KDM2A: variants seen among roughly 807,000 people sequenced by gnomAD.
KDM2A encodes the protein lysine demethylase 2A, also known as lysine-specific demethylase 2A.
Under a neutral mutation model 137.3 loss-of-function variants are expected in KDM2A, and 3 were observed. The ratio of observed to expected loss-of-function variants is 0.02; its 90% CI spans 0.01 to 0.06. The LOEUF is 0.06. Among genes scored for constraint, KDM2A ranks in the 10% least tolerant of loss-of-function variants. KDM2A has a pLI of 1.00. For missense variants in KDM2A, 738 were observed against 1,510.6 expected (o/e 0.49, Z 8.48); for synonymous variants, 512 against 541.5 (o/e 0.95, Z 0.76).
chr11:67,237,746 A>C (rs959334157), intron 12 of KDM2A, among the ~76,000 whole-genome samples: 1 of 151,992 alleles, frequency 6.6e-6, no homozygotes, highest in African/African-American at 2.4e-5. Flanking sequence ...CCAGGAGTTC[A>C]AGACCAGCCT....
At chr11:67,168,319 C>G (rs552416585) in intron 2 of KDM2A, among the ~76,000 whole-genome samples, 11 of 152,008 alleles carry the variant, frequency 7.2e-5, no homozygotes, top group African/African-American at 2.7e-4. Context: ...TGGAGCTTCC[C>G]CCAAACCCTC....
rs576469290 is a variant in KDM2A, at chr11:67,145,883, T to C, written c.42+24525T>C. On this transcript the variant is annotated intron_variant, in intron 2 of 20. Coordinates refer to ENST00000529006, the MANE Select transcript of KDM2A (RefSeq NM_012308.3). ...TTAAGTGTTACATCCTTTGGGAATT[T>C]TTTTTTTTTTAATTCCTGCTTTTCA... is the stretch of plus-strand genomic sequence containing the variant. 3.9e-5 allele frequency among the ~76,000 whole-genome samples: 6 copies of C among 152,006 alleles called. No individual in the cohort carries two copies. The East Asian group carries it at 1.2e-3, about 29-fold the overall frequency.
At chr11:67,246,990 T>C (rs1404344166) in intron 15 of KDM2A, among the ~76,000 whole-genome samples, 3 of 141,988 alleles carry the variant, frequency 2.1e-5, no homozygotes, top group African/African-American at 5.1e-5. Context: ...CAGGCTAGAG[T>C]GCAGTGGCAC....
intron 2 of KDM2A, among the ~76,000 whole-genome samples, chr11:67,126,859 G>A (rs796562568): frequency 1.3e-5 from 2 of 152,154 alleles, no homozygotes; most frequent in South Asian, 4.1e-4. Context: ...ATTCTGCAGT[G>A]TTGGAGTGGA....
intron 2 of KDM2A, among the ~76,000 whole-genome samples, chr11:67,172,489 ACTTAT>A (rs1856897886): frequency 6.6e-6 from 1 of 152,052 alleles, no homozygotes; most frequent in African/African-American, 2.4e-5. Flanking sequence ...TAAGTCTTGT[ACTTAT>A]CTTGTTAAAT....
intron 12 of KDM2A, among the ~76,000 whole-genome samples, chr11:67,241,975 A>G (rs1351796960): frequency 6.6e-6 from 1 of 152,240 alleles, no homozygotes; most frequent in Non-Finnish European, 1.5e-5. Context: ...AGGCTGAGGC[A>G]GGAGAATAGC....
chr11:67,207,675 A>G lies in KDM2A; in HGVS notation c.473A>G (p.Gln158Arg). 1 of 1,609,536 alleles carries G rather than the reference A, an allele frequency of 6.2e-7. No homozygotes were observed. The highest frequency in any genetic ancestry group is 8.5e-7 in the Non-Finnish European group (1 of 1,177,306). Residue 158 changes from glutamine to arginine, a missense_variant, in exon 6 of 21, where the codon CAG (glutamine) becomes CGG (arginine). By Grantham distance (43) the Gln-to-Arg change is conservative (BLOSUM62 1). Transcript: ENST00000529006. ...CACACCAGGCTGGAGAATATGGTGC[A>G]GAGGCCCTCCACGGTTAGTGTAATC... is the stretch of plus-strand genomic sequence containing the variant. Reference protein sequence around the residue: ...FSHTRLENMVQRPSTVDFIDW... With the variant: ...FSHTRLENMVRRPSTVDFIDW...
chr11:67,181,548 C>T (rs1299490763), intron 4 of KDM2A, 150 bp downstream of exon 4: 8 of 575,106 alleles, frequency 1.4e-5, no homozygotes, highest in Non-Finnish European at 1.2e-5. Flanking sequence ...TCTTTTGATA[C>T]ACAAGTGTTT....
intron 12 of KDM2A, among the ~76,000 whole-genome samples, chr11:67,237,765 TAGTG>T (rs1407502846): frequency 6.6e-6 from 1 of 151,890 alleles, no homozygotes; most frequent in East Asian, 1.9e-4. Context: ...CTGGGCAACA[TAGTG>T]AGACTCCATC....
At chr11:67,134,365 C>T (rs1169511378) in intron 2 of KDM2A, among the ~76,000 whole-genome samples, 2 of 152,048 alleles carry the variant, frequency 1.3e-5, no homozygotes, top group African/African-American at 2.4e-5. Flanking sequence ...GCCCTAACTA[C>T]GATGAATGAA....
At position 67,189,329 on chromosome 11, in the gene KDM2A, T is replaced by TA. The variant is rs1482402785; in HGVS notation, c.307+7438dup. Reference sequence around the variant, plus strand: ...AAGAAATCACATGGAAATTAGAAAATACTTATAGATGAATGAACACAACAC... The same window carrying TA: ...AAGAAATCACATGGAAATTAGAAAATAACTTATAGATGAATGAACACAACAC... On this transcript the variant is annotated intron_variant, in intron 5 of 20. Transcript: ENST00000529006. Among the ~76,000 whole-genome samples the TA allele has an allele frequency of 1.8e-4, 28 of 152,064 alleles. 1 individual carries two copies. The highest frequency in any genetic ancestry group is 1.8e-3 in the Admixed American group (27 of 15,278).
chr11:67,190,175 C>T (rs1281128518), intron 5 of KDM2A, among the ~76,000 whole-genome samples: 15 of 152,080 alleles, frequency 9.9e-5, no homozygotes, highest in Admixed American at 3.3e-4. Flanking sequence ...TTTGGGAGGC[C>T]GAGGCGGGTG....
intron 5 of KDM2A, among the ~76,000 whole-genome samples, chr11:67,190,531 G>T (rs1373757175): frequency 6.6e-6 from 1 of 152,150 alleles, no homozygotes; most frequent in African/African-American, 2.4e-5. Context: ...AAGCCAAGGT[G>T]GGTGCATTGC....
intron 5 of KDM2A, among the ~76,000 whole-genome samples, chr11:67,203,325 G>T (rs4457752): frequency 0.96 from 145,534 of 151,520 alleles, 69,996 homozygotes; most frequent in Non-Finnish European, 0.99. Flanking sequence ...TACTGGAATA[G>T]TTGCTTTATT....
chr11:67,172,662 G>C (rs1448560723), intron 2 of KDM2A, among the ~76,000 whole-genome samples: 1 of 146,908 alleles, frequency 6.8e-6, no homozygotes, highest in African/African-American at 2.5e-5. Context: ...ATTCCTTATA[G>C]TTTTCTGTGT....
At chr11:67,198,459 A>T (rs982867831) in intron 5 of KDM2A, among the ~76,000 whole-genome samples, 1 of 152,186 alleles carries the variant, frequency 6.6e-6, no homozygotes, top group Middle Eastern at 3.4e-3. Flanking sequence ...GCAATGGCTC[A>T]TGCCTGTAAT....
Position 67,248,267 on chromosome 11 carries a change from C to G in KDM2A, c.1966-14C>G. On this transcript the variant is annotated splice_polypyrimidine_tract_variant and intron_variant, in intron 15 of 20. Coordinates refer to ENST00000529006, the MANE Select transcript of KDM2A (RefSeq NM_012308.3). ...GAGAGACAGGCTTTTAAAAACATCTCTGTCTTCCTATAGATGGACGGAGAG... is the reference window on the plus strand; with the variant it reads ...GAGAGACAGGCTTTTAAAAACATCTGTGTCTTCCTATAGATGGACGGAGAG... The G allele has an allele frequency of 6.3e-7, 1 of 1,581,238 alleles. No individual in the cohort carries two copies. Among genetic ancestry groups the G allele is most frequent in the East Asian group, 2.3e-5 (1 of 44,326 alleles).
chr11:67,230,524 G>A (rs1201230697), intron 11 of KDM2A, among the ~76,000 whole-genome samples: 1 of 152,038 alleles, frequency 6.6e-6, no homozygotes, highest in African/African-American at 2.4e-5. Context: ...TGTTTGGGAG[G>A]CTATTGTGGG....
intron 12 of KDM2A, among the ~76,000 whole-genome samples, chr11:67,237,455 T>C (rs374503777): frequency 7.1e-6 from 1 of 140,082 alleles, no homozygotes; most frequent in Non-Finnish European, 1.5e-5. Flanking sequence ...TTATTATTAT[T>C]ATCATTATTA....
Sources: gnomAD v4.1 joint callset for allele counts (sites outside exome capture counted in the v4.1 genomes callset) on GRCh38, gnomAD v4.1.1 for gene constraint, MANE v1.5 for transcripts, NCBI Gene and HGNC (gene_info 2026-07-23, HGNC 2026-07-21) for gene names.